Variants in HSD17B2 observed in about 807,000 individuals in gnomAD.
The protein encoded by HSD17B2 is 17-beta-hydroxysteroid dehydrogenase type 2.
HSD17B2 carries 32 observed loss-of-function variants against 26.9 expected under a neutral mutation model. The ratio of observed to expected loss-of-function variants is 1.19; its 90% confidence interval spans 0.90 to 1.60. HSD17B2 has a LOEUF of 1.60. Ranked by LOEUF, HSD17B2 falls within the 40% of genes most tolerant of loss-of-function variation. HSD17B2 has a pLI of 0.00. For synonymous variants in HSD17B2, 246 were observed against 186.7 expected (o/e 1.32, Z -2.59); for missense variants, 613 against 468.6 (o/e 1.31, Z -2.85).
intron 1 of HSD17B2, among the ~76,000 whole-genome samples, chr16:82,056,889 G>T (rs1471659485): frequency 6.6e-6 from 1 of 152,152 alleles, no homozygotes; most frequent in Non-Finnish European, 1.5e-5. Flanking sequence ...AGTGAGGCTG[G>T]AAACTTTTTA....
chr16:82,065,059 T>G (rs144974488), intron 1 of HSD17B2, among the ~76,000 whole-genome samples: 2,232 of 152,286 alleles, frequency 0.015, 72 homozygotes, highest in African/African-American at 0.051. Flanking sequence ...AATTATAACC[T>G]TGTGGACCCC....
At chr16:82,047,107 A>G (rs1913955071) in intron 1 of HSD17B2, among the ~76,000 whole-genome samples, 1 of 152,216 alleles carries the variant, frequency 6.6e-6, no homozygotes, top group Non-Finnish European at 1.5e-5. Flanking sequence ...GCACCAGAGA[A>G]CACTAAAGAC....
At chr16:82,072,932 G>C (rs1291537764) in intron 3 of HSD17B2, among the ~76,000 whole-genome samples, 3 of 152,158 alleles carry the variant, frequency 2.0e-5, no homozygotes, top group Non-Finnish European at 1.5e-5. Context: ...AGGCATTGTG[G>C]CATGTGCCTG....
intron 3 of HSD17B2, among the ~76,000 whole-genome samples, chr16:82,086,759 T>C (rs902262373): frequency 4.6e-5 from 7 of 152,214 alleles, no homozygotes; most frequent in African/African-American, 1.7e-4. Flanking sequence ...ACTGTCACAA[T>C]AAAATATCAC....
chr16:82,060,899 C>A (rs1398301687), intron 1 of HSD17B2, among the ~76,000 whole-genome samples: 1 of 152,154 alleles, frequency 6.6e-6, no homozygotes, highest in African/African-American at 2.4e-5. Context: ...ATCTGAAAAC[C>A]TTTTTGGTTC....
intron 3 of HSD17B2, among the ~76,000 whole-genome samples, chr16:82,080,023 C>G (rs564543981): frequency 2.6e-5 from 4 of 152,178 alleles, no homozygotes; most frequent in African/African-American, 9.7e-5. Context: ...TGTCTTGAGT[C>G]TGGCACCTCT....
At position 82,066,967 on chromosome 16, in the gene HSD17B2, C is replaced by G. The variant is rs8191128; in HGVS notation, c.266-1203C>G. On this transcript the variant is annotated intron_variant, in intron 1 of 4. Transcript: ENST00000199936. Reference sequence around the variant, plus strand: ...CATTTATGTGCCTGCAAGTATTTCTCTAGGATAAATACTGAGACTTTTTGG... The same window carrying G: ...CATTTATGTGCCTGCAAGTATTTCTGTAGGATAAATACTGAGACTTTTTGG... Among the ~76,000 whole-genome samples the G allele has an allele frequency of 2.0e-5, 3 of 152,248 alleles. No homozygotes were observed. In the South Asian group the frequency reaches 6.2e-4, roughly 32 times the overall value.
intron 3 of HSD17B2, among the ~76,000 whole-genome samples, chr16:82,075,599 C>T (rs372989387): frequency 1.3e-5 from 2 of 151,956 alleles, no homozygotes; most frequent in African/African-American, 4.8e-5. Flanking sequence ...TAAGTATATA[C>T]CAATAAATTG....
chr16:82,087,731 C>T (rs922419314), intron 3 of HSD17B2, among the ~76,000 whole-genome samples: 4 of 152,072 alleles, frequency 2.6e-5, no homozygotes, highest in African/African-American at 9.7e-5. Context: ...TTGATTGGCT[C>T]TTGGTTCTAG....
At chr16:82,045,444 A>C (rs1483367557) in intron 1 of HSD17B2, among the ~76,000 whole-genome samples, 1 of 152,248 alleles carries the variant, frequency 6.6e-6, no homozygotes, top group Non-Finnish European at 1.5e-5. Flanking sequence ...TATCTCTTCT[A>C]AGTATTAAGC....
intron 3 of HSD17B2, among the ~76,000 whole-genome samples, chr16:82,076,724 G>A (rs145243271): frequency 0.012 from 1,814 of 152,176 alleles, 47 homozygotes; most frequent in African/African-American, 0.041. Context: ...ACAGGTGTGC[G>A]CCACCATGCC....
At chr16:82,073,357 T>C (rs775985268) in intron 3 of HSD17B2, among the ~76,000 whole-genome samples, 6 of 152,006 alleles carry the variant, frequency 3.9e-5, no homozygotes, top group Non-Finnish European at 5.9e-5. Context: ...CCCTAGTAGC[T>C]GGGACTACAG....
At chr16:82,088,978 G>C (rs948428772) in intron 3 of HSD17B2, among the ~76,000 whole-genome samples, 2 of 152,122 alleles carry the variant, frequency 1.3e-5, no homozygotes, top group African/African-American at 4.8e-5. Context: ...GCTCACTGGT[G>C]TCTCTTCTTA....
chr16:82,043,682 C>G (rs1303876933), intron 1 of HSD17B2, among the ~76,000 whole-genome samples: 1 of 59,296 alleles, frequency 1.7e-5, no homozygotes, highest in African/African-American at 5.1e-5. Context: ...AAAACTCTGT[C>G]TCAAAAAAAA....
chr16:82,064,898 C>T (rs1215323550), intron 1 of HSD17B2, among the ~76,000 whole-genome samples: 1 of 152,226 alleles, frequency 6.6e-6, no homozygotes, highest in East Asian at 1.9e-4. Context: ...ACCCAGTCCC[C>T]CCATTTGCTA....
chr16:82,052,956 C>T (rs1052393467), intron 1 of HSD17B2, among the ~76,000 whole-genome samples: 2 of 152,206 alleles, frequency 1.3e-5, no homozygotes, highest in African/African-American at 2.4e-5. Flanking sequence ...AGGGCAAGAG[C>T]ATGCCAGCTT....
At chr16:82,097,849 A>C (rs1904898005) in intron 4 of HSD17B2, 2 of 337,646 alleles carry the variant, frequency 5.9e-6, no homozygotes, top group Non-Finnish European at 1.1e-5. Flanking sequence ...GAGGCAAGAG[A>C]ATCACTTCAA....
At chr16:82,088,711 T>C (rs1904597838) in intron 3 of HSD17B2, among the ~76,000 whole-genome samples, 1 of 152,226 alleles carries the variant, frequency 6.6e-6, no homozygotes, top group South Asian at 2.1e-4. Flanking sequence ...TAAGATTTCA[T>C]GAAACTATAA....
At chr16:82,084,132 C>G (rs1351738345) in intron 3 of HSD17B2, among the ~76,000 whole-genome samples, 1 of 152,096 alleles carries the variant, frequency 6.6e-6, no homozygotes, top group Non-Finnish European at 1.5e-5. Flanking sequence ...AGCTGGGTGA[C>G]CTGGGTCAGG....
Sources: gnomAD v4.1 joint callset for allele counts (sites outside exome capture counted in the v4.1 genomes callset) on GRCh38, gnomAD v4.1.1 for gene constraint, MANE v1.5 for transcripts, NCBI Gene and HGNC (gene_info 2026-07-23, HGNC 2026-07-21) for gene names.